Variants in INTS4 observed in about 807,000 individuals in gnomAD.
The protein encoded by INTS4 is integrator complex subunit 4.
Under a neutral mutation model 119.5 loss-of-function variants are expected in INTS4, and 70 were observed. The observed-to-expected ratio is 0.59, with a 90% CI of 0.48 to 0.71. The LOEUF (loss-of-function observed/expected upper bound fraction) is 0.71. INTS4 is among the 30% of genes least tolerant of loss of function. The pLI is 0.00. For synonymous variants in INTS4, 316 were observed against 419.6 expected, an observed-to-expected ratio of 0.75 and a Z score of 3.02; for missense variants, 867 against 1,173.2, an observed-to-expected ratio of 0.74 and a Z score of 3.81.
Position 77,941,254 on chromosome 11 carries a change from A to G in INTS4, c.919-3T>C, listed in dbSNP as rs1406895851. The G allele has an allele frequency of 3.1e-6, 5 of 1,600,044 alleles. No individual in the cohort carries two copies. Among genetic ancestry groups the G allele is most frequent in the Non-Finnish European group, 3.4e-6 (4 of 1,176,576 alleles). ...GAACTGACTTGCTCCATAGAGCCCT[A>G]TAAAAAGAAAAATCCAGAGCATATA... On this transcript the variant is annotated splice_polypyrimidine_tract_variant and splice_region_variant and intron_variant, in intron 8 of 22. Coordinates refer to ENST00000534064, the MANE Select transcript of INTS4 (RefSeq NM_033547.4).
At chr11:77,988,117 T>C (rs1018761474) in intron 2 of INTS4, among the ~76,000 whole-genome samples, 1 of 152,196 alleles carries the variant, frequency 6.6e-6, no homozygotes, top group Non-Finnish European at 1.5e-5. Context: ...ACGTAAAACA[T>C]AAGTGAAACA....
intron 2 of INTS4, among the ~76,000 whole-genome samples, chr11:77,984,887 G>A (rs1856392060): frequency 7.6e-6 from 1 of 131,998 alleles, no homozygotes; most frequent in Non-Finnish European, 1.6e-5. Context: ...AGGGAAAAAA[G>A]GGGGGGAAAA....
chr11:77,912,175 A>C (rs978573507), intron 15 of INTS4, among the ~76,000 whole-genome samples: 6 of 152,158 alleles, frequency 3.9e-5, no homozygotes, highest in Non-Finnish European at 8.8e-5. Context: ...CAGCCTGGGC[A>C]ACACGGTGAT....
At chr11:77,962,253 A>C (rs1297184160) in intron 4 of INTS4, among the ~76,000 whole-genome samples, 1 of 151,920 alleles carries the variant, frequency 6.6e-6, no homozygotes, top group Non-Finnish European at 1.5e-5. Flanking sequence ...ACTGCACTCC[A>C]ACCTGGATGA....
chr11:77,961,939 T>A (rs761177364), intron 4 of INTS4, among the ~76,000 whole-genome samples: 25 of 152,240 alleles, frequency 1.6e-4, no homozygotes, highest in Admixed American at 4.6e-4. Flanking sequence ...GTATGTGGCT[T>A]TTGGTGTACA....
At chr11:77,957,663 CTTTTTTTTTTTTT>C (rs1159914263) in intron 7 of INTS4, among the ~76,000 whole-genome samples, 1 of 110,706 alleles carries the variant, frequency 9.0e-6, no homozygotes, top group African/African-American at 3.4e-5. Flanking sequence ...AACTGAACTT[CTTTTTTTTTTTTT>C]TTTTTTTTGA....
At chr11:77,917,798 T>A (rs1463530496) in intron 15 of INTS4, among the ~76,000 whole-genome samples, 1 of 151,552 alleles carries the variant, frequency 6.6e-6, no homozygotes, top group African/African-American at 2.4e-5. Context: ...TTGAGGAAGG[T>A]CTGGCAGAGC....
In INTS4 at chr11:77,981,572, T is replaced by C. The variant is rs754262186; in HGVS notation, c.251A>G (p.Asn84Ser). ...AATTTTCAGTCTCACAGATGGATCA[T>C]TCTCCTGGAAAAAAAGAAGCAATTG... ...RILLEHYYKE[N>S]DPSVRLKIAS... The change falls in exon 3 of 23, where the codon AAT (asparagine) becomes AGT (serine). Residue 84 changes from asparagine (N) to serine (S), a missense_variant. Transcript: ENST00000534064. 7 of 1,533,508 alleles carry C rather than the reference T, an allele frequency of 4.6e-6. No individual in the cohort carries two copies. The highest frequency in any genetic ancestry group is 4.4e-6 in the Non-Finnish European group (5 of 1,128,320). The allele number at this position is 1,533,508 out of a possible 1,614,324, so 95.0% of individuals were successfully genotyped here. A position where few individuals can be genotyped will look rare whatever the true frequency, so the allele number is the denominator to read the frequency against.
At chr11:77,929,049 A>C (rs1953581771) in intron 10 of INTS4, among the ~76,000 whole-genome samples, 1 of 151,756 alleles carries the variant, frequency 6.6e-6, no homozygotes, top group African/African-American at 2.4e-5. Flanking sequence ...AAAACAAAAA[A>C]ACAAAAACTG....
intron 2 of INTS4, among the ~76,000 whole-genome samples, chr11:77,981,897 A>G (rs1463131542): frequency 6.6e-6 from 1 of 152,020 alleles, no homozygotes; most frequent in Non-Finnish European, 1.5e-5. Context: ...AATACTGCAA[A>G]GTGAATGAGA....
At chr11:77,899,941 C>T (rs1952704059) in intron 18 of INTS4, among the ~76,000 whole-genome samples, 2 of 152,102 alleles carry the variant, frequency 1.3e-5, no homozygotes, top group East Asian at 1.9e-4. Flanking sequence ...AGAACCTTCA[C>T]TTACCCTGTA....
intron 18 of INTS4, among the ~76,000 whole-genome samples, chr11:77,895,088 C>T (rs1430377019): frequency 6.6e-6 from 1 of 152,154 alleles, no homozygotes; most frequent in East Asian, 1.9e-4. Context: ...TCTTGAATTA[C>T]TTGGCCTCAC....
At chr11:77,965,461 C>T (rs949099601) in intron 4 of INTS4, among the ~76,000 whole-genome samples, 2 of 152,164 alleles carry the variant, frequency 1.3e-5, no homozygotes, top group Non-Finnish European at 2.9e-5. Context: ...AACTTTATAA[C>T]CTTTGATCAG....
chr11:77,955,920 A>T, intron 8 of INTS4, 22 bp downstream of exon 8: 1 of 1,580,980 alleles, frequency 6.3e-7, no homozygotes, highest in Non-Finnish European at 8.6e-7. Context: ...GCATACATAC[A>T]TACATAAAAA....
chr11:77,915,609 T>C (rs1953187780), intron 15 of INTS4, among the ~76,000 whole-genome samples: 1 of 152,090 alleles, frequency 6.6e-6, no homozygotes, highest in Non-Finnish European at 1.5e-5. Context: ...AGACCACCCA[T>C]TTATCTCTCA....
In INTS4 at chr11:77,991,117, A is replaced by G; in HGVS notation, c.237T>C (p.His79=). The change falls in exon 2 of 23, where the codon CAT becomes CAC. Residue 79 remains histidine (H), a synonymous_variant. Transcript: ENST00000534064. ...VEGVVRILLE[H]YYKENDPSVR... ...CTCAAGATTTTCTTACCTTGTAATAATGTTCCAAGAGAATCCTGACTACTC... is the reference window on the plus strand; with the variant it reads ...CTCAAGATTTTCTTACCTTGTAATAGTGTTCCAAGAGAATCCTGACTACTC... 1 of 1,613,570 alleles carries G rather than the reference A, an allele frequency of 6.2e-7. No homozygotes were observed. Among genetic ancestry groups the G allele is most frequent in the Non-Finnish European group, 8.5e-7 (1 of 1,179,552 alleles).
chr11:77,939,018 G>A (rs1953866255), intron 9 of INTS4, among the ~76,000 whole-genome samples, 193 bp from the exon 10 acceptor site: 1 of 152,134 alleles, frequency 6.6e-6, no homozygotes, highest in South Asian at 2.1e-4. Flanking sequence ...GTCTATAATA[G>A]CTGAAAGTAC....
At chr11:77,935,535 A>G (rs1376031717) in intron 10 of INTS4, among the ~76,000 whole-genome samples, 1 of 152,020 alleles carries the variant, frequency 6.6e-6, no homozygotes. Flanking sequence ...GAAAAGAACC[A>G]CTCAAAACAA....
chr11:77,919,215 CAGAA>C (rs1031311521), intron 14 of INTS4, among the ~76,000 whole-genome samples: 7 of 152,162 alleles, frequency 4.6e-5, no homozygotes, highest in African/African-American at 1.7e-4. Context: ...AGGAGAAAAA[CAGAA>C]AGATATAATA....
Sources: allele counts gnomAD v4.1 joint callset (sites outside exome capture counted in the v4.1 genomes callset), GRCh38; gene constraint gnomAD v4.1.1; transcripts MANE v1.5; gene names NCBI Gene and HGNC (gene_info 2026-07-23, HGNC 2026-07-21).